Variants in ZC3H12B observed in about 807,000 individuals in gnomAD.
ZC3H12B encodes probable ribonuclease ZC3H12B.
In ZC3H12B, 7 loss-of-function variants were observed where a neutral mutation model predicts 43.9. The ratio of observed to expected loss-of-function variants is 0.16; its 90% confidence interval spans 0.09 to 0.30. The LOEUF (loss-of-function observed/expected upper bound fraction) is 0.30. Ranked by LOEUF, ZC3H12B falls within the 10% of genes least tolerant of loss-of-function variation. The pLI is 1.00. For missense variants in ZC3H12B, 475 were observed against 670.2 expected (o/e 0.71, Z 3.22); for synonymous variants, 222 against 241.7 (o/e 0.92, Z 0.76).
the ZC3H12B span, among the ~76,000 whole-genome samples, chrX:65,154,300 T>G: frequency 8.9e-6 from 1 of 112,202 alleles, no homozygotes; most frequent in Non-Finnish European, 1.9e-5. Flanking sequence ...GTATACATCT[T>G]TTGTTAAATT....
the ZC3H12B span, among the ~76,000 whole-genome samples, chrX:65,086,489 C>T: frequency 9.0e-6 from 1 of 111,154 alleles, no homozygotes; most frequent in Non-Finnish European, 1.9e-5. Context: ...GTTTGTGCCC[C>T]GCCACCGAAA....
chrX:65,358,885 T>A, the ZC3H12B span, among the ~76,000 whole-genome samples: 3 of 111,949 alleles, frequency 2.7e-5, no homozygotes, highest in Non-Finnish European at 5.6e-5. Flanking sequence ...ACCTAGGACT[T>A]ATATACCTAG....
chrX:65,337,842 C>T, the ZC3H12B span, among the ~76,000 whole-genome samples: 3 of 112,332 alleles, frequency 2.7e-5, no homozygotes, highest in Non-Finnish European at 5.6e-5. Flanking sequence ...CTGCCACCAG[C>T]TCACATTCTC....
chrX:65,397,181 C>A (rs2066710196), intron 2 of ZC3H12B, among the ~76,000 whole-genome samples: 1 of 111,781 alleles, frequency 8.9e-6, no homozygotes, highest in African/African-American at 3.3e-5. Context: ...TTAATTTGGG[C>A]ATTTAGCCCA....
At chrX:65,151,444 G>A in the ZC3H12B span, among the ~76,000 whole-genome samples, 135 of 111,787 alleles carry the variant, frequency 1.2e-3, no homozygotes, top group African/African-American at 4.2e-3. Context: ...TATTGTATGT[G>A]ACATCATCAA....
chrX:65,057,616 T>G, the ZC3H12B span, among the ~76,000 whole-genome samples: 2 of 111,497 alleles, frequency 1.8e-5, no homozygotes, highest in African/African-American at 3.3e-5. Flanking sequence ...TTTCCTGAAT[T>G]TGAATGTTGG....
the ZC3H12B span, among the ~76,000 whole-genome samples, chrX:65,120,408 A>G: frequency 9.0e-6 from 1 of 111,542 alleles, no homozygotes; most frequent in Non-Finnish European, 1.9e-5. Context: ...TCTTTGAAGC[A>G]ATTGTGAATG....
chrX:65,405,576 C>T, intron 3 of ZC3H12B, among the ~76,000 whole-genome samples: 1 of 111,331 alleles, frequency 9.0e-6, no homozygotes, highest in East Asian at 2.8e-4. Context: ...GCCAAGATAG[C>T]AGCACTGCAC....
the ZC3H12B span, among the ~76,000 whole-genome samples, chrX:65,300,210 G>T: frequency 1.8e-5 from 2 of 112,430 alleles, no homozygotes; most frequent in Admixed American, 1.9e-4. Context: ...AACCACAGCA[G>T]GAGGGCAGTC....
At chrX:65,299,513 G>C in the ZC3H12B span, among the ~76,000 whole-genome samples, 1 of 112,336 alleles carries the variant, frequency 8.9e-6, no homozygotes, top group African/African-American at 3.2e-5. Context: ...AAAGGAACTG[G>C]AAAGCCTGAA....
At chrX:65,164,729 C>T in the ZC3H12B span, among the ~76,000 whole-genome samples, 1 of 111,777 alleles carries the variant, frequency 8.9e-6, no homozygotes, top group Non-Finnish European at 1.9e-5. Context: ...CTTTCATCAA[C>T]ATCTATCATA....
intron 3 of ZC3H12B, among the ~76,000 whole-genome samples, chrX:65,460,482 A>C (rs1392983361): frequency 8.9e-6 from 1 of 112,086 alleles, no homozygotes; most frequent in Non-Finnish European, 1.9e-5. Context: ...CAGTAACCAA[A>C]ACAGCATGGT....
the ZC3H12B span, among the ~76,000 whole-genome samples, chrX:65,077,907 T>C: frequency 9.8e-5 from 11 of 112,004 alleles, no homozygotes; most frequent in East Asian, 3.1e-3. Flanking sequence ...AGTCCTTTTA[T>C]TTTTTCTGTT....
chrX:65,064,994 G>A, the ZC3H12B span, among the ~76,000 whole-genome samples: 1 of 109,767 alleles, frequency 9.1e-6, no homozygotes, highest in Non-Finnish European at 1.9e-5. Context: ...CGTCTGCTTG[G>A]TAAATATTTC....
At chrX:65,451,016 C>A (rs1472881406) in intron 3 of ZC3H12B, among the ~76,000 whole-genome samples, 3 of 107,102 alleles carry the variant, frequency 2.8e-5, no homozygotes, top group Admixed American at 1.0e-4. Context: ...GGTGCGATCT[C>A]ACCTCACTGC....
chrX:65,050,317 T>A, the ZC3H12B span, among the ~76,000 whole-genome samples: 1 of 111,355 alleles, frequency 9.0e-6, no homozygotes, highest in Non-Finnish European at 1.9e-5. Context: ...TCTTTAGGAT[T>A]TTTTATATAT....
chrX:65,444,751 T>A (rs1241366090), intron 3 of ZC3H12B, among the ~76,000 whole-genome samples: 1 of 112,009 alleles, frequency 8.9e-6, no homozygotes, highest in Non-Finnish European at 1.9e-5. Context: ...CAGGAAAATG[T>A]GGAAAAGTTT....
chrX:65,447,453 G>T (rs1180614734), intron 3 of ZC3H12B, among the ~76,000 whole-genome samples: 1 of 111,571 alleles, frequency 9.0e-6, no homozygotes, highest in Non-Finnish European at 1.9e-5. Context: ...ATAAATCCAA[G>T]ACTTAAATCT....
intron 1 of ZC3H12B, among the ~76,000 whole-genome samples, 183 bp from the exon 7 acceptor site, chrX:65,496,948 CA>C (rs373400545): frequency 0.34 from 13,858 of 40,749 alleles, 4,089 homozygotes; most frequent in African/African-American, 0.77. Flanking sequence ...AAAGTGAGAC[CA>C]AAAAAAAAAA....
Sources: allele counts gnomAD v4.1 joint callset (sites outside exome capture counted in the v4.1 genomes callset), GRCh38; gene constraint gnomAD v4.1.1; transcripts MANE v1.5; gene names NCBI Gene and HGNC (gene_info 2026-07-23, HGNC 2026-07-21).